Variants in RIT2 observed in about 807,000 individuals in gnomAD.
RIT2 encodes the protein GTP-binding protein Rit2.
In RIT2, 24 loss-of-function variants were observed where a neutral mutation model predicts 23.7. The observed-to-expected ratio is 1.01, with a 90% CI of 0.73 to 1.43. The LOEUF is 1.43. RIT2 is among the 40% of genes most tolerant of loss of function. The pLI, the probability that RIT2 is intolerant of heterozygous loss-of-function variation, is 0.00. For missense variants in RIT2, 236 were observed against 266.9 expected, an observed-to-expected ratio of 0.88 and a Z score of 0.81; for synonymous variants, 107 against 91.1, an observed-to-expected ratio of 1.17 and a Z score of -0.99.
intron 4 of RIT2, among the ~76,000 whole-genome samples, chr18:42,825,409 A>G (rs184835285): frequency 4.6e-5 from 7 of 151,978 alleles, no homozygotes; most frequent in African/African-American, 1.7e-4. Context: ...GATTAAAAGA[A>G]AATATTTCTA....
intron 4 of RIT2, among the ~76,000 whole-genome samples, chr18:42,759,977 A>T (rs982357940): frequency 1.4e-4 from 22 of 152,142 alleles, no homozygotes; most frequent in African/African-American, 5.3e-4. Flanking sequence ...GGGTTTCTCC[A>T]TGTTGGTCAG....
At chr18:42,853,208 G>A (rs978931740) in intron 4 of RIT2, among the ~76,000 whole-genome samples, 1 of 152,064 alleles carries the variant, frequency 6.6e-6, no homozygotes, top group Non-Finnish European at 1.5e-5. Flanking sequence ...AATTAGTTAT[G>A]CCTTCAATTG....
chr18:42,759,760 GAT>G lies in RIT2; in HGVS notation c.427-16042_427-16041del, dbSNP rs149291326. Among the ~76,000 whole-genome samples, 491 of 130,582 alleles carry G rather than the reference GAT, an allele frequency of 3.8e-3. 5 individuals are homozygous for G. The highest frequency in any genetic ancestry group is 0.016 in the Admixed American group (207 of 12,920). 85.7% of individuals were successfully genotyped at this position (130,582 alleles called of 152,430 possible). On this transcript the variant is annotated intron_variant, in intron 4 of 4. Coordinates refer to ENST00000326695, the MANE Select transcript of RIT2 (RefSeq NM_002930.4). ...ACACACACACACACACACACATACG[GAT>G]ATATATATATATATATATAAATTTT... is the stretch of plus-strand genomic sequence containing the variant.
chr18:42,776,024 G>A lies in RIT2; in HGVS notation c.427-32304C>T, dbSNP rs184499232. Among the ~76,000 whole-genome samples, 209 of 152,300 alleles carry A rather than the reference G, an allele frequency of 1.4e-3. 1 individual carries two copies. Among genetic ancestry groups the A allele is most frequent in the African/African-American group, 4.8e-3 (200 of 41,564 alleles). On this transcript the variant is annotated intron_variant, in intron 4 of 4. Transcript: ENST00000326695. ...ATGAGAAATGCTATAAAAGCTCGAA[G>A]ATGGGTTCAACTTTATGATAAAAGT...
chr18:43,046,532 G>C (rs1471583069), intron 1 of RIT2, among the ~76,000 whole-genome samples: 1 of 152,162 alleles, frequency 6.6e-6, no homozygotes, highest in Non-Finnish European at 1.5e-5. Flanking sequence ...CTAGTCACCT[G>C]ACAGGCAGAG....
At chr18:42,817,593 A>G (rs1906033497) in intron 4 of RIT2, among the ~76,000 whole-genome samples, 1 of 152,084 alleles carries the variant, frequency 6.6e-6, no homozygotes, top group Non-Finnish European at 1.5e-5. Flanking sequence ...TCAGTCTATC[A>G]GCATTGAATT....
intron 3 of RIT2, among the ~76,000 whole-genome samples, chr18:42,964,123 G>A (rs757730059): frequency 2.1e-4 from 32 of 151,922 alleles, no homozygotes; most frequent in Non-Finnish European, 2.9e-4. Context: ...CCTGGGAGGC[G>A]GAGGTTGCAG....
intron 2 of RIT2, among the ~76,000 whole-genome samples, chr18:42,997,821 C>A (rs939385761): frequency 6.6e-6 from 1 of 152,092 alleles, no homozygotes; most frequent in African/African-American, 2.4e-5. Flanking sequence ...CCAGTGACTG[C>A]AAGAGACATT....
chr18:42,833,053 CAAAAA>C (rs35952869), intron 4 of RIT2, among the ~76,000 whole-genome samples: 1 of 77,916 alleles, frequency 1.3e-5, no homozygotes, highest in Non-Finnish European at 2.5e-5. Flanking sequence ...GACTTCATCT[CAAAAA>C]AAAAAAAAAA....
Position 42,911,222 on chromosome 18 carries a change from G to T in RIT2, c.426+12350C>A, listed in dbSNP as rs114934891. 1.3e-4 allele frequency among the ~76,000 whole-genome samples: 19 copies of T among 151,926 alleles called. No individual in the cohort carries two copies. In the South Asian group the frequency reaches 3.1e-3, roughly 25 times the overall value. ...AGGAAATTTCAAGGGAAAATAATACGTAGAGTGGAATAAAAATAAACACAA... is the reference window on the plus strand; with the variant it reads ...AGGAAATTTCAAGGGAAAATAATACTTAGAGTGGAATAAAAATAAACACAA... On this transcript the variant is annotated intron_variant, in intron 4 of 4. Coordinates refer to ENST00000326695, the MANE Select transcript of RIT2 (RefSeq NM_002930.4).
In RIT2 at chr18:43,086,357, T is replaced by A. The variant is rs751683198; in HGVS notation, c.103+29060A>T. On this transcript the variant is annotated intron_variant, in intron 1 of 4. Transcript: ENST00000326695. Reference sequence around the variant, plus strand: ...GAACAACTATACAACAACGAATGTATAACTTAAGGGAAATAGATGAATTCC... The same window carrying A: ...GAACAACTATACAACAACGAATGTAAAACTTAAGGGAAATAGATGAATTCC... Among the ~76,000 whole-genome samples the A allele has an allele frequency of 8.3e-4, 126 of 152,176 alleles. 2 individuals carry two copies. The highest frequency in any genetic ancestry group is 2.6e-3 in the Admixed American group (39 of 15,280).
chr18:42,829,166 C>T, intron 4 of RIT2, among the ~76,000 whole-genome samples: 1 of 152,044 alleles, frequency 6.6e-6, no homozygotes, highest in East Asian at 1.9e-4. Context: ...TTACATGGCT[C>T]TTTTTTGTCT....
At chr18:42,886,176 TA>T (rs1908018118) in intron 4 of RIT2, among the ~76,000 whole-genome samples, 1 of 152,232 alleles carries the variant, frequency 6.6e-6, no homozygotes, top group South Asian at 2.1e-4. Flanking sequence ...TTTTAAAGTG[TA>T]AATTTTGAAA....
Position 42,946,031 on chromosome 18 carries a change from G to A in RIT2, c.235-22268C>T, listed in dbSNP as rs188982699. On this transcript the variant is annotated intron_variant, in intron 3 of 4. Transcript: ENST00000326695. ...GGTCATACAAAGGCAAATTTTAAAC[G>A]CTGTGAATACTTTGGGTGCATATTT... Among the ~76,000 whole-genome samples, 581 of 152,146 alleles carry A rather than the reference G, an allele frequency of 3.8e-3. 2 individuals are homozygous for A. Among genetic ancestry groups the A allele is most frequent in the African/African-American group, 0.012 (501 of 41,534 alleles).
intron 2 of RIT2, among the ~76,000 whole-genome samples, chr18:42,989,169 TAGA>T (rs1326387624): frequency 6.6e-6 from 1 of 152,180 alleles, no homozygotes; most frequent in African/African-American, 2.4e-5. Flanking sequence ...ACTTTCTCTA[TAGA>T]AGGAGGACAA....
intron 4 of RIT2, among the ~76,000 whole-genome samples, chr18:42,883,894 A>C (rs549570087): frequency 6.6e-6 from 1 of 152,334 alleles, no homozygotes; most frequent in Non-Finnish European, 1.5e-5. Flanking sequence ...GATATAGCCC[A>C]TTTGTAGCAG....
At chr18:43,057,954 G>A (rs1301595641) in intron 1 of RIT2, among the ~76,000 whole-genome samples, 1 of 152,050 alleles carries the variant, frequency 6.6e-6, no homozygotes, top group Admixed American at 6.6e-5. Context: ...TTCTGGATCT[G>A]TATGAGAAGA....
intron 1 of RIT2, among the ~76,000 whole-genome samples, chr18:43,078,064 T>C (rs1247208428): frequency 6.6e-6 from 1 of 152,210 alleles, no homozygotes; most frequent in East Asian, 1.9e-4. Flanking sequence ...AAAAAGCATC[T>C]TCCTGTGACC....
At position 42,995,620 on chromosome 18, in the gene RIT2, C is replaced by T. The variant is rs573488968; in HGVS notation, c.161-21473G>A. On this transcript the variant is annotated intron_variant, in intron 2 of 4. Coordinates refer to ENST00000326695, the MANE Select transcript of RIT2 (RefSeq NM_002930.4). Reference sequence around the variant, plus strand: ...TCCTCAGTCTTCAGGAAAGGTACAACGGACTAATGGTCTTTTAAAAACACA... The same window carrying T: ...TCCTCAGTCTTCAGGAAAGGTACAATGGACTAATGGTCTTTTAAAAACACA... 5.3e-5 allele frequency among the ~76,000 whole-genome samples: 8 copies of T among 151,352 alleles called. No homozygotes were observed. The South Asian group carries it at 6.3e-4, about 12-fold the overall frequency.
Sources: allele counts gnomAD v4.1 joint callset (sites outside exome capture counted in the v4.1 genomes callset), GRCh38; gene constraint gnomAD v4.1.1; transcripts MANE v1.5; gene names NCBI Gene and HGNC (gene_info 2026-07-23, HGNC 2026-07-21).